Variants in DDAH1 observed in about 807,000 individuals in gnomAD.
DDAH1 encodes the protein N(G),N(G)-dimethylarginine dimethylaminohydrolase 1.
In DDAH1, 19 loss-of-function variants were observed where a neutral mutation model predicts 28.8. The ratio of observed to expected loss-of-function variants is 0.66; its 90% CI spans 0.46 to 0.97. The LOEUF is 0.97. Ranked by LOEUF, DDAH1 falls within the 50% of genes least tolerant of loss-of-function variation. The pLI is 0.00. For missense variants in DDAH1, 326 were observed against 375.9 expected (o/e 0.87, Z 1.10); for synonymous variants, 153 against 154.4 (o/e 0.99, Z 0.07).
At chr1:85,365,033 A>G (rs1202255732) in intron 1 of DDAH1, among the ~76,000 whole-genome samples, 1 of 152,218 alleles carries the variant, frequency 6.6e-6, no homozygotes, top group Admixed American at 6.5e-5. Context: ...AAACATTTAT[A>G]TAGTCTTCCT....
chr1:85,494,494 G>A (rs1197468325), intron 2 of DDAH1: 1 of 152,206 alleles, frequency 6.6e-6, no homozygotes, highest in African/African-American at 2.4e-5. Context: ...AGGTCATCTA[G>A]TGATCACACT....
rs533225192 is a variant in DDAH1 at position 85,518,624 on chromosome 1, G to A, written c.-122-22343C>T. On this transcript the variant is annotated intron_variant, in intron 1 of 6. Transcript: ENST00000426972. ...TCTCTCCCTAACCCAGCTGGAAAAG[G>A]CTCTACCTTTAAGGACTCAAGTGAT... 3.3e-5 allele frequency among the ~76,000 whole-genome samples: 5 copies of A among 152,182 alleles called. No individual in the cohort carries two copies. In the East Asian group the frequency reaches 9.7e-4, roughly 29 times the overall value.
chr1:85,459,828 A>T (rs936988608), intron 1 of DDAH1, among the ~76,000 whole-genome samples: 1 of 152,252 alleles, frequency 6.6e-6, no homozygotes, highest in Non-Finnish European at 1.5e-5. Context: ...TGAAAACAAC[A>T]TATTCTCATT....
At chr1:85,562,444 T>C (rs753503073) in intron 1 of DDAH1, among the ~76,000 whole-genome samples, 49 of 152,198 alleles carry the variant, frequency 3.2e-4, no homozygotes, top group Non-Finnish European at 6.0e-4. Flanking sequence ...CCCAAAAAGA[T>C]AGGTTGAAAT....
chr1:85,560,920 G>A (rs888504032), intron 1 of DDAH1, among the ~76,000 whole-genome samples: 2 of 151,872 alleles, frequency 1.3e-5, no homozygotes, highest in African/African-American at 4.8e-5. Context: ...AAATTAATGA[G>A]CATCTTTAAC....
At chr1:85,347,637 G>T (rs1570410362) in intron 4 of DDAH1, among the ~76,000 whole-genome samples, 1 of 151,740 alleles carries the variant, frequency 6.6e-6, no homozygotes, top group East Asian at 1.9e-4. Context: ...AGGGTGGAGG[G>T]ATAGCATTGG....
At chr1:85,566,564 C>T (rs1023824954) in intron 1 of DDAH1, among the ~76,000 whole-genome samples, 1 of 151,094 alleles carries the variant, frequency 6.6e-6, no homozygotes, top group Non-Finnish European at 1.5e-5. Context: ...AAGCAAAACC[C>T]AAACTATAAG....
intron 2 of DDAH1, among the ~76,000 whole-genome samples, chr1:85,471,227 A>G (rs1163827950): frequency 6.6e-6 from 1 of 152,098 alleles, no homozygotes; most frequent in Non-Finnish European, 1.5e-5. Flanking sequence ...GGCGGCCCCT[A>G]TTCTATGGTT....
At chr1:85,434,203 A>T (rs1653829944) in intron 1 of DDAH1, among the ~76,000 whole-genome samples, 3 of 152,124 alleles carry the variant, frequency 2.0e-5, no homozygotes, top group Admixed American at 2.0e-4. Flanking sequence ...ATTACATTTA[A>T]CATTTTGATC....
chr1:85,442,488 T>C (rs1246607598), intron 1 of DDAH1, among the ~76,000 whole-genome samples: 1 of 152,232 alleles, frequency 6.6e-6, no homozygotes, highest in Non-Finnish European at 1.5e-5. Flanking sequence ...GCAATAAACA[T>C]AAGTGTGCAA....
chr1:85,421,121 G>A (rs1020905801), intron 1 of DDAH1, among the ~76,000 whole-genome samples: 1 of 152,130 alleles, frequency 6.6e-6, no homozygotes, highest in Non-Finnish European at 1.5e-5. Flanking sequence ...CAAGGAGATG[G>A]TGCTAAACCA....
At chr1:85,561,836 T>C (rs1659149362) in intron 1 of DDAH1, among the ~76,000 whole-genome samples, 1 of 152,226 alleles carries the variant, frequency 6.6e-6, no homozygotes, top group Admixed American at 6.5e-5. Context: ...CTTCTATGGC[T>C]ACTGTTCTAA....
chr1:85,413,470 C>T (rs141483175), intron 1 of DDAH1, among the ~76,000 whole-genome samples: 1 of 152,298 alleles, frequency 6.6e-6, no homozygotes, highest in East Asian at 1.9e-4. Flanking sequence ...TGTGGAAGTC[C>T]AAGACCAACA....
Position 85,341,553 on chromosome 1 carries a change from C to T in DDAH1, c.597+8862G>A, listed in dbSNP as rs572449319. 2.2e-4 allele frequency among the ~76,000 whole-genome samples: 33 copies of T among 152,304 alleles called. No homozygotes were observed. The South Asian group carries it at 5.0e-3, about 23-fold the overall frequency. ...TGTTCCGGCTGGGCGAGGTGGCTCACGCCTGTAATCCCAGCACTTTGGGAG... is the reference window on the plus strand; with the variant it reads ...TGTTCCGGCTGGGCGAGGTGGCTCATGCCTGTAATCCCAGCACTTTGGGAG... On this transcript the variant is annotated intron_variant, in intron 4 of 5. Transcript: ENST00000284031.
At chr1:85,500,458 TGAG>T (rs1484228946) in intron 1 of DDAH1, among the ~76,000 whole-genome samples, 1 of 152,172 alleles carries the variant, frequency 6.6e-6, no homozygotes, top group African/African-American at 2.4e-5. Context: ...TTGCGCAGAA[TGAG>T]TCTTTTCCTC....
chr1:85,570,551 T>G (rs1659425479), intron 1 of DDAH1, among the ~76,000 whole-genome samples: 1 of 152,096 alleles, frequency 6.6e-6, no homozygotes, highest in African/African-American at 2.4e-5. Context: ...AAATCATACT[T>G]CCTTAGTTAT....
intron 1 of DDAH1, among the ~76,000 whole-genome samples, chr1:85,513,104 T>C (rs917767086): frequency 6.6e-6 from 1 of 152,066 alleles, no homozygotes; most frequent in Non-Finnish European, 1.5e-5. Context: ...CAAACTATAC[T>C]ACAAGGCTAC....
intron 1 of DDAH1, among the ~76,000 whole-genome samples, chr1:85,573,628 C>G (rs1400112290): frequency 6.6e-6 from 1 of 152,146 alleles, no homozygotes; most frequent in Non-Finnish European, 1.5e-5. Context: ...GATATGGATG[C>G]CCTAAAAAAG....
intron 1 of DDAH1, among the ~76,000 whole-genome samples, chr1:85,420,116 C>T (rs1040345926): frequency 4.6e-5 from 7 of 151,910 alleles, no homozygotes; most frequent in African/African-American, 1.5e-4. Context: ...AGCAGTGTCC[C>T]GAGGCTGTGC....
Sources: allele counts gnomAD v4.1 joint callset (sites outside exome capture counted in the v4.1 genomes callset), GRCh38; gene constraint gnomAD v4.1.1; transcripts MANE v1.5; gene names NCBI Gene and HGNC (gene_info 2026-07-23, HGNC 2026-07-21).